PCNX1: variants seen among roughly 807,000 people sequenced by gnomAD.
PCNX1 encodes pecanex-like protein 1.
In PCNX1, 78 loss-of-function variants were observed where a neutral mutation model predicts 242.2. The observed-to-expected ratio is 0.32, with a 90% CI of 0.27 to 0.39. The LOEUF (loss-of-function observed/expected upper bound fraction) is 0.39, where lower values mean the gene tolerates loss of function less well. Among genes scored for constraint, PCNX1 ranks in the 10% least tolerant of loss-of-function variants. The pLI, the probability that PCNX1 is intolerant of heterozygous loss-of-function variation, is 1.00. For missense variants in PCNX1, 2,581 were observed against 2,856.5 expected (o/e 0.90, Z 2.20); for synonymous variants, 1,024 against 1,032.9 (o/e 0.99, Z 0.17).
At chr14:70,968,361 A>G (rs1257646463) in intron 4 of PCNX1, 118 bp downstream of exon 4, 1 of 599,592 alleles carries the variant, frequency 1.7e-6, no homozygotes, top group East Asian at 3.2e-5. Flanking sequence ...AAATTCTTTT[A>G]TAGATAAAAT....
At chr14:70,922,390 T>G (rs969142803) in intron 1 of PCNX1, among the ~76,000 whole-genome samples, 1 of 152,100 alleles carries the variant, frequency 6.6e-6, no homozygotes, top group Admixed American at 6.5e-5. Flanking sequence ...AAACATGAAT[T>G]TTTTTACAAA....
In PCNX1 at chr14:71,110,234, C is replaced by A; in HGVS notation, c.*299C>A. 1 of 386,166 alleles carries A rather than the reference C, an allele frequency of 2.6e-6. No individual in the cohort carries two copies. 23.9% of individuals were successfully genotyped at this position (386,166 alleles called of 1,614,324 possible). On this transcript the variant is annotated 3_prime_UTR_variant, in exon 36 of 36. Transcript: ENST00000304743. ...AAAAAAAGTTTTTCCTATGCATTGC[C>A]TATGCTTTAAATCAACAAACTCTTC...
rs577704749 is a variant in PCNX1, at chr14:71,063,792, A to G, written c.4852+6068A>G. 2.6e-5 allele frequency among the ~76,000 whole-genome samples: 4 copies of G among 152,188 alleles called. No individual in the cohort carries two copies. The South Asian group carries it at 8.3e-4, about 32-fold the overall frequency. On this transcript the variant is annotated intron_variant, in intron 26 of 35. Coordinates refer to ENST00000304743, the MANE Select transcript of PCNX1 (RefSeq NM_014982.3). The stretch of plus-strand genomic sequence containing the variant: ...AAGTAATATTGAAACAAGTTTCTTG[A>G]TCAGTTTTTATAGCTCTTAGTTAAA...
At chr14:71,075,833 C>A (rs1011039042) in intron 27 of PCNX1, among the ~76,000 whole-genome samples, 1 of 151,966 alleles carries the variant, frequency 6.6e-6, no homozygotes, top group Non-Finnish European at 1.5e-5. Context: ...TTGCAGTGAG[C>A]CGAGATTATG....
chr14:71,063,076 A>G (rs918567617), intron 26 of PCNX1, among the ~76,000 whole-genome samples: 1 of 152,230 alleles, frequency 6.6e-6, no homozygotes, highest in African/African-American at 2.4e-5. Context: ...TTGCACAACG[A>G]AATTTCTTAA....
chr14:70,947,005 C>T lies in PCNX1; in HGVS notation c.244C>T (p.His82Tyr). 1 of 1,613,732 alleles carries T rather than the reference C, an allele frequency of 6.2e-7. No individual in the cohort carries two copies. ...IVLKMVNYRL[H>Y]RALDAGEVVD... ...TCTGAAGATGGTCAACTATCGACTA[C>T]ACAGAGCACTTGATGCTGGAGAAGT... The change falls in exon 2 of 36, where the codon CAC becomes TAC. Residue 82 changes from histidine to tyrosine, a missense_variant. Around this residue, in one of 9 missense-constraint regions of PCNX1, gnomAD observed 1,204 missense variants for 1,216.7 expected, o/e 0.99. Coordinates refer to ENST00000304743, the MANE Select transcript of PCNX1 (RefSeq NM_014982.3).
At chr14:70,943,974 G>T (rs890143030) in intron 1 of PCNX1, among the ~76,000 whole-genome samples, 1 of 152,236 alleles carries the variant, frequency 6.6e-6, no homozygotes, top group Non-Finnish European at 1.5e-5. Context: ...GGGAACCCTT[G>T]CCTGGATTTC....
intron 3 of PCNX1, among the ~76,000 whole-genome samples, chr14:70,963,865 A>T (rs939552654): frequency 3.9e-5 from 6 of 152,202 alleles, no homozygotes; most frequent in Non-Finnish European, 8.8e-5. Flanking sequence ...AAATAACTTG[A>T]CCAGGGCGAC....
At chr14:71,083,458 C>G (rs34763296) in intron 28 of PCNX1, among the ~76,000 whole-genome samples, 55,627 of 151,910 alleles carry the variant, frequency 0.37, 10,457 homozygotes, top group East Asian at 0.62. Flanking sequence ...CAAGTTGATT[C>G]CATTCTCTGC....
intron 11 of PCNX1, among the ~76,000 whole-genome samples, chr14:71,014,671 A>G (rs1400369920): frequency 6.8e-6 from 1 of 146,178 alleles, no homozygotes; most frequent in African/African-American, 2.5e-5. Context: ...AATAATGGAA[A>G]CTATCCAGAA....
chr14:70,957,983 T>G (rs978559670), intron 2 of PCNX1, among the ~76,000 whole-genome samples: 5 of 152,188 alleles, frequency 3.3e-5, no homozygotes, highest in Admixed American at 6.5e-5. Flanking sequence ...GAAACCATAA[T>G]ATTGCTGAAT....
chr14:70,949,099 T>C (rs1273364092), intron 2 of PCNX1, among the ~76,000 whole-genome samples: 1 of 142,816 alleles, frequency 7.0e-6, no homozygotes, highest in Non-Finnish European at 1.5e-5. Context: ...TATATATACA[T>C]ACATGTATAT....
intron 26 of PCNX1, among the ~76,000 whole-genome samples, chr14:71,072,482 C>G (rs1223950275): frequency 6.6e-6 from 1 of 152,148 alleles, no homozygotes; most frequent in African/African-American, 2.4e-5. Flanking sequence ...CTGTGCTAAA[C>G]AGCACAGCTC....
At chr14:71,068,849 GTT>G (rs2061522084) in intron 26 of PCNX1, among the ~76,000 whole-genome samples, 1 of 151,386 alleles carries the variant, frequency 6.6e-6, no homozygotes, top group Non-Finnish European at 1.5e-5. Flanking sequence ...AATAAGTATA[GTT>G]TAATTTTGCT....
Position 71,110,016 on chromosome 14 carries a change from C to T in PCNX1, c.*81C>T, listed in dbSNP as rs151305940. On this transcript the variant is annotated 3_prime_UTR_variant, in exon 36 of 36. Coordinates refer to ENST00000304743, the MANE Select transcript of PCNX1 (RefSeq NM_014982.3). ...AAAAGAGAGGAACAAGCAGAAGATG[C>T]CTGCAGGTATCACTTTGATCCTATG... 4,612 of 1,229,120 alleles carry T rather than the reference C, an allele frequency of 3.8e-3. 15 individuals carry two copies. Among genetic ancestry groups the T allele is most frequent in the Admixed American group, 5.7e-3 (336 of 59,436 alleles). 76.1% of individuals were successfully genotyped at this position (1,229,120 alleles called of 1,614,324 possible). A position where few individuals can be genotyped will look rare whatever the true frequency, so the allele number is the denominator to read the frequency against.
At chr14:71,075,367 T>G (rs1175418648) in intron 27 of PCNX1, among the ~76,000 whole-genome samples, 1 of 152,124 alleles carries the variant, frequency 6.6e-6, no homozygotes, top group Non-Finnish European at 1.5e-5. Flanking sequence ...GAGCCTTCCA[T>G]TTTATGTTTG....
intron 16 of PCNX1, among the ~76,000 whole-genome samples, chr14:71,029,276 T>G (rs900621479): frequency 1.3e-5 from 2 of 152,190 alleles, no homozygotes; most frequent in African/African-American, 4.8e-5. Flanking sequence ...TTTAAAAGAT[T>G]GTCAACAAGT....
At chr14:70,914,587 T>C (rs1326358620) in intron 1 of PCNX1, among the ~76,000 whole-genome samples, 1 of 152,236 alleles carries the variant, frequency 6.6e-6, no homozygotes, top group Non-Finnish European at 1.5e-5. Flanking sequence ...TCTAGCTGAC[T>C]TTACTGAGAG....
rs375480782 is a variant in PCNX1 at position 71,106,547 on chromosome 14, G to GT, written c.6301+1122dup. Among the ~76,000 whole-genome samples the GT allele has an allele frequency of 8.9e-3, 1,252 of 140,512 alleles. 10 individuals carry two copies. The highest frequency in any genetic ancestry group is 0.03 in the Middle Eastern group (8 of 268). 92.2% of individuals were successfully genotyped at this position (140,512 alleles called of 152,430 possible). A position where few individuals can be genotyped will look rare whatever the true frequency, so the allele number is the denominator to read the frequency against. On this transcript the variant is annotated intron_variant, in intron 33 of 35. Transcript: ENST00000304743. ...TAATGCCAAAAATCTTTCCAGAAAG[G>GT]TTTTTTTTTTTTTTTAAACCAGTTG...
Sources: allele counts gnomAD v4.1 joint callset (sites outside exome capture counted in the v4.1 genomes callset), GRCh38; gene constraint gnomAD v4.1.1; regional missense constraint gnomAD v4.1.1; transcripts MANE v1.5; gene names NCBI Gene and HGNC (gene_info 2026-07-23, HGNC 2026-07-21).